The following MARCHF5 variants were observed in gnomAD, a reference collection of about 807,000 sequenced individuals.
MARCHF5 encodes E3 ubiquitin-protein ligase MARCHF5.
In MARCHF5, 5 loss-of-function variants were observed where a neutral mutation model predicts 36.5. The observed-to-expected ratio is 0.14, with a 90% confidence interval of 0.07 to 0.29. The LOEUF (loss-of-function observed/expected upper bound fraction) is 0.29, where lower values mean the gene tolerates loss of function less well. Ranked by LOEUF, MARCHF5 falls within the 10% of genes least tolerant of loss-of-function variation. The pLI, the probability that MARCHF5 is intolerant of heterozygous loss-of-function variation, is 1.00. For synonymous variants in MARCHF5, 103 were observed against 109.9 expected, an observed-to-expected ratio of 0.94 and a Z score of 0.39; for missense variants, 179 against 336.3, an observed-to-expected ratio of 0.53 and a Z score of 3.66.
chr10:92,291,445 G>A lies in MARCHF5; in HGVS notation c.-50G>A. ...CTCAGTGCTATTGTCCCTGGGCCTGGCCTTGAGCGGGTCCACTGGGGAAGG... is the reference window on the plus strand; with the variant it reads ...CTCAGTGCTATTGTCCCTGGGCCTGACCTTGAGCGGGTCCACTGGGGAAGG... On this transcript the variant is annotated 5_prime_UTR_variant, in exon 1 of 6. Transcript: ENST00000358935. The A allele has an allele frequency of 3.4e-6, 5 of 1,475,180 alleles. No homozygotes were observed. Among genetic ancestry groups the A allele is most frequent in the South Asian group, 1.2e-5 (1 of 82,562 alleles). 91.4% of individuals were successfully genotyped at this position (1,475,180 alleles called of 1,614,324 possible).
chr10:92,293,204 C>T (rs776127926), intron 1 of MARCHF5, among the ~76,000 whole-genome samples: 24 of 152,076 alleles, frequency 1.6e-4, no homozygotes, highest in Non-Finnish European at 3.1e-4. Flanking sequence ...CTCCCAGGCT[C>T]AGGTGATCCT....
At position 92,351,228 on chromosome 10, in the gene MARCHF5, G is replaced by A. The variant is rs1487195845; in HGVS notation, c.*21G>A. ...CATAAAACTGACTTCTGGTTGTTCT[G>A]CAGTTCTCTCATCCTTATGAATCTG... On this transcript the variant is annotated 3_prime_UTR_variant, in exon 6 of 6. Coordinates refer to ENST00000358935, the MANE Select transcript of MARCHF5 (RefSeq NM_017824.5). 7.1e-7 allele frequency: 1 copy of A among 1,408,480 alleles called. No homozygotes were observed. The highest frequency in any genetic ancestry group is 1.0e-6 in the Non-Finnish European group (1 of 996,140). The allele number at this position is 1,408,480 out of a possible 1,614,324, so 87.2% of individuals were successfully genotyped here.
At chr10:92,338,582 A>C (rs1200411820) in intron 2 of MARCHF5, among the ~76,000 whole-genome samples, 1 of 152,194 alleles carries the variant, frequency 6.6e-6, no homozygotes, top group Non-Finnish European at 1.5e-5. Context: ...GTAATAAGTA[A>C]ATATGCTATA....
At chr10:92,306,740 G>A (rs970726475) in intron 1 of MARCHF5, among the ~76,000 whole-genome samples, 1 of 152,120 alleles carries the variant, frequency 6.6e-6, no homozygotes, top group Non-Finnish European at 1.5e-5. Context: ...ATGGGCAGGC[G>A]CAGTGGCTCA....
intron 2 of MARCHF5, among the ~76,000 whole-genome samples, chr10:92,320,379 T>C (rs1413897129): frequency 3.9e-5 from 6 of 151,972 alleles, no homozygotes; most frequent in Admixed American, 2.6e-4. Flanking sequence ...TATTTTAGAG[T>C]ATACTTCTTT....
chr10:92,333,546 A>G, intron 2 of MARCHF5: 1 of 589,932 alleles, frequency 1.7e-6, no homozygotes, highest in South Asian at 7.5e-5. Context: ...GCTGACATGG[A>G]CAGACATAAA....
At chr10:92,292,982 C>T (rs1771087254) in intron 1 of MARCHF5, among the ~76,000 whole-genome samples, 1 of 152,118 alleles carries the variant, frequency 6.6e-6, no homozygotes. Context: ...CAGAGGAAAC[C>T]ACCTGCCACT....
intron 1 of MARCHF5, among the ~76,000 whole-genome samples, chr10:92,306,314 A>T (rs1590648162): frequency 1.3e-5 from 2 of 152,154 alleles, no homozygotes; most frequent in Admixed American, 1.3e-4. Flanking sequence ...AGCTTTATGG[A>T]CCCAGCCTCC....
intron 2 of MARCHF5, among the ~76,000 whole-genome samples, chr10:92,328,821 A>ATATATATATATATATATATATTTT (rs372130854): frequency 8.2e-6 from 1 of 122,444 alleles, no homozygotes; most frequent in African/African-American, 3.2e-5. Flanking sequence ...ATATATATAT[A>ATATATATATATATATATATATTTT]TTTTTTTTTT....
intron 3 of MARCHF5, 134 bp downstream of exon 3, chr10:92,340,937 C>T: frequency 1.3e-6 from 1 of 789,872 alleles, no homozygotes; most frequent in African/African-American, 1.8e-5. Flanking sequence ...GTTATTTCCC[C>T]TACTTTTTCT....
intron 2 of MARCHF5, among the ~76,000 whole-genome samples, chr10:92,317,557 A>G (rs1843227597): frequency 1.3e-5 from 2 of 152,088 alleles, no homozygotes; most frequent in South Asian, 2.1e-4. Context: ...AGTATGTAGA[A>G]TACAATTTTT....
intron 2 of MARCHF5, 110 bp from the exon 3 acceptor site, chr10:92,340,563 C>A (rs1843567037): frequency 9.9e-7 from 1 of 1,006,618 alleles, no homozygotes; most frequent in African/African-American, 1.6e-5. Context: ...CAAAGTGAGA[C>A]CCTGTGTCTT....
intron 2 of MARCHF5, among the ~76,000 whole-genome samples, chr10:92,335,665 T>C (rs975775972): frequency 3.9e-5 from 6 of 152,138 alleles, no homozygotes; most frequent in Non-Finnish European, 5.9e-5. Flanking sequence ...GAGTAGAAAA[T>C]TTCCAAAGAG....
intron 3 of MARCHF5, among the ~76,000 whole-genome samples, chr10:92,348,129 G>A (rs1016028376): frequency 1.3e-5 from 2 of 150,450 alleles, no homozygotes; most frequent in African/African-American, 4.9e-5. Context: ...GTTGCAGTGA[G>A]CCAAGATCGT....
chr10:92,339,025 A>G lies in MARCHF5; in HGVS notation c.239-1648A>G, dbSNP rs368257832. Among the ~76,000 whole-genome samples the G allele has an allele frequency of 4.7e-5, 7 of 150,058 alleles. No individual in the cohort carries two copies. In the East Asian group the frequency reaches 9.8e-4, roughly 21 times the overall value. On this transcript the variant is annotated intron_variant, in intron 2 of 5. Coordinates refer to ENST00000358935, the MANE Select transcript of MARCHF5 (RefSeq NM_017824.5). ...GTGCCACTGCACTCCAGCCTGGGCA[A>G]CAAAGCAAAACTCTGTCTCAAAAAA... is the stretch of plus-strand genomic sequence containing the variant.
chr10:92,349,952 C>T, intron 5 of MARCHF5, 115 bp downstream of exon 5: 1 of 788,004 alleles, frequency 1.3e-6, no homozygotes, highest in Non-Finnish European at 2.0e-6. Flanking sequence ...TGCATTAAGC[C>T]TCTATTTGAG....
rs927942800 is a variant in MARCHF5, at chr10:92,321,499, G to A, written c.238+10162G>A. Among the ~76,000 whole-genome samples, 14 of 152,026 alleles carry A rather than the reference G, an allele frequency of 9.2e-5. 1 individual carries two copies. The East Asian group carries it at 1.7e-3, about 19-fold the overall frequency. On this transcript the variant is annotated intron_variant, in intron 2 of 5. Coordinates refer to ENST00000358935, the MANE Select transcript of MARCHF5 (RefSeq NM_017824.5). ...TACTTTGTTGGGAACTTTTGTGTCT[G>A]TACTCATAATGGGTATTGGTCTGTA...
intron 3 of MARCHF5, among the ~76,000 whole-genome samples, chr10:92,348,821 A>C (rs1277154023): frequency 6.6e-6 from 1 of 152,158 alleles, no homozygotes; most frequent in African/African-American, 2.4e-5. Context: ...TAGGGTAGAC[A>C]CTTAGCCAGC....
Position 92,351,298 on chromosome 10 carries a change from T to G in MARCHF5, c.*91T>G, listed in dbSNP as rs1843711515. The stretch of plus-strand genomic sequence containing the variant: ...TCATTAATGCACTTGTGGAGACTTG[T>G]GATAAGCTGCTGCTCCTATATTTTT... On this transcript the variant is annotated 3_prime_UTR_variant, in exon 6 of 6. Coordinates refer to ENST00000358935, the MANE Select transcript of MARCHF5 (RefSeq NM_017824.5). The G allele has an allele frequency of 1.3e-6, 1 of 765,312 alleles. No homozygotes were observed. The highest frequency in any genetic ancestry group is 2.6e-5 in the East Asian group (1 of 38,464). 47.4% of individuals were successfully genotyped at this position (765,312 alleles called of 1,614,324 possible).
Sources: gnomAD v4.1 joint callset for allele counts (sites outside exome capture counted in the v4.1 genomes callset) on GRCh38, gnomAD v4.1.1 for gene constraint, MANE v1.5 for transcripts, NCBI Gene and HGNC (gene_info 2026-07-23, HGNC 2026-07-21) for gene names.